Variants in PUS3 observed in about 807,000 individuals in gnomAD.
PUS3 encodes tRNA pseudouridine(38/39) synthase.
Under a neutral mutation model 43.3 loss-of-function variants are expected in PUS3, and 36 were observed. The observed-to-expected ratio is 0.83, with a 90% CI of 0.64 to 1.10. The LOEUF (loss-of-function observed/expected upper bound fraction) is 1.10, where lower values mean the gene tolerates loss of function less well. PUS3 is among the 50% of genes least tolerant of loss of function. PUS3 has a pLI of 0.00. For missense variants in PUS3, 544 were observed against 589.9 expected, an observed-to-expected ratio of 0.92 and a Z score of 0.81; for synonymous variants, 183 against 199.2, an observed-to-expected ratio of 0.92 and a Z score of 0.69.
intron 1 of PUS3, among the ~76,000 whole-genome samples, chr11:125,897,631 C>G (rs190632264): frequency 1.3e-5 from 2 of 151,952 alleles, no homozygotes; most frequent in Admixed American, 1.3e-4. Flanking sequence ...TTTAAATGCT[C>G]AATTTTACTC....
chr11:125,899,347 G>T (rs747166940), intron 1 of PUS3: 4 of 1,608,440 alleles, frequency 2.5e-6, no homozygotes, highest in Non-Finnish European at 2.6e-6. Context: ...CTTGCAGAAG[G>T]TCCTACAGTG....
intron 1 of PUS3, among the ~76,000 whole-genome samples, chr11:125,902,258 C>T (rs1944794567): frequency 6.6e-6 from 1 of 151,956 alleles, no homozygotes; most frequent in African/African-American, 2.4e-5. Flanking sequence ...ATTCGTGTGT[C>T]CCCTAAGCAC....
chr11:125,893,718 T>TC lies in PUS3; in HGVS notation c.*66_*67insG, dbSNP rs1944479423. 1 of 1,400,670 alleles carries TC rather than the reference T, an allele frequency of 7.1e-7. No homozygotes were observed. The highest frequency in any genetic ancestry group is 9.5e-7 in the Non-Finnish European group (1 of 1,054,706). 86.8% of individuals were successfully genotyped at this position (1,400,670 alleles called of 1,614,324 possible). ...AATTCCTAGTACTTGCAAGTAAATT[T>TC]TTTTTTTTTTCCTTTTCTGTCCACC... On this transcript the variant is annotated 3_prime_UTR_variant, in exon 4 of 4. Transcript: ENST00000227474.
intron 1 of PUS3, chr11:125,900,388 C>A: frequency 1.1e-6 from 1 of 923,024 alleles, no homozygotes; most frequent in Non-Finnish European, 1.7e-6. Flanking sequence ...AAGGACTTCA[C>A]CTATCATTGG....
chr11:125,897,438 G>A (rs980015195), intron 1 of PUS3, among the ~76,000 whole-genome samples: 3 of 150,806 alleles, frequency 2.0e-5, no homozygotes, highest in African/African-American at 7.3e-5. Context: ...ATGACAAACT[G>A]AGAAGAAAAA....
At chr11:125,897,708 TA>T (rs1944631112) in intron 1 of PUS3, among the ~76,000 whole-genome samples, 1 of 152,218 alleles carries the variant, frequency 6.6e-6, no homozygotes, top group Non-Finnish European at 1.5e-5. Flanking sequence ...CAAAGTTTGA[TA>T]GTATACCACT....
At position 125,896,343 on chromosome 11, in the gene PUS3, C is replaced by T; in HGVS notation, c.-46-13G>A. 6.8e-7 allele frequency: 1 copy of T among 1,465,564 alleles called. No homozygotes were observed. The highest frequency in any genetic ancestry group is 9.3e-7 in the Non-Finnish European group (1 of 1,073,938). 90.8% of individuals were successfully genotyped at this position (1,465,564 alleles called of 1,614,324 possible). On this transcript the variant is annotated splice_polypyrimidine_tract_variant and intron_variant, in intron 1 of 3. Transcript: ENST00000227474. ...AGGTCTGCCCTGTCTGAAAAGAGAG[C>T]AAAGGGATACAACAGTTTCAATGCT...
In PUS3 at chr11:125,895,753, C is replaced by T; in HGVS notation, c.415G>A (p.Gly139Ser). 1.2e-6 allele frequency: 2 copies of T among 1,607,654 alleles called. No individual in the cohort carries two copies. Among genetic ancestry groups the T allele is most frequent in the Non-Finnish European group, 1.7e-6 (2 of 1,178,430 alleles). ...SLDLRSQFPRGRDSEDFNVKE... is the reference protein window; with the variant it reads ...SLDLRSQFPRSRDSEDFNVKE... ...ACATTAAAGTCCTCGGAATCCCTGC[C>T]CCTTGGAAACTGAGAGCGAAGGTCA... is the stretch of plus-strand genomic sequence containing the variant. Residue 139 changes from glycine to serine, a missense_variant, in exon 3 of 4, where the codon GGC becomes AGC. Transcript: ENST00000227474.
rs369846617 is a variant in PUS3, at chr11:125,893,859, C to T, written c.1372G>A (p.Glu458Lys). 6 of 1,613,930 alleles carry T rather than the reference C, an allele frequency of 3.7e-6. No individual in the cohort carries two copies. The highest frequency in any genetic ancestry group is 1.3e-5 in the African/African-American group (1 of 74,910). ...KAKRDCNDTLEEENTNLETPT... is the reference protein window; with the variant it reads ...KAKRDCNDTLKEENTNLETPT... The stretch of plus-strand genomic sequence containing the variant: ...GTCTCCAAATTAGTATTCTCTTCCT[C>T]TAGTGTGTCATTACAGTCCCTTTTG... The change falls in exon 4 of 4, where the codon GAG becomes AAG. Residue 458 changes from glutamate (E) to lysine (K), a missense_variant. Coordinates refer to ENST00000227474, the MANE Select transcript of PUS3 (RefSeq NM_031307.4).
At chr11:125,899,320 A>C (rs1278402699) in intron 1 of PUS3, 3 of 1,548,060 alleles carry the variant, frequency 1.9e-6, no homozygotes. Context: ...TTATCAGAAA[A>C]CTGACCAATG....
Position 125,894,063 on chromosome 11 carries a change from T to G in PUS3, c.1168A>C (p.Asn390His), listed in dbSNP as rs746629267. ...PKMDGMTEWGNVKPSVIKQTS... is the reference protein window; with the variant it reads ...PKMDGMTEWGHVKPSVIKQTS... ...TGCTTTATGACAGAGGGCTTAACATTTCCCCATTCTGTCATTCCATCCATC... is the reference window on the plus strand; with the variant it reads ...TGCTTTATGACAGAGGGCTTAACATGTCCCCATTCTGTCATTCCATCCATC... Residue 390 changes from asparagine (N) to histidine (H), a missense_variant, in exon 4 of 4, where the codon AAT becomes CAT. By Grantham distance (68) the Asn-to-His change is moderately conservative. Coordinates refer to ENST00000227474, the MANE Select transcript of PUS3 (RefSeq NM_031307.4). 1.2e-6 allele frequency: 2 copies of G among 1,614,152 alleles called. No individual in the cohort carries two copies. The highest frequency in any genetic ancestry group is 2.2e-5 in the South Asian group (2 of 91,074).
chr11:125,896,840 T>A (rs571681768), intron 1 of PUS3, among the ~76,000 whole-genome samples: 1 of 152,170 alleles, frequency 6.6e-6, no homozygotes, highest in Non-Finnish European at 1.5e-5. Flanking sequence ...CAATAGAAGC[T>A]AGCCTAACTG....
At chr11:125,900,719 AGAAG>A (rs1291121690) in intron 1 of PUS3, 2 of 205,512 alleles carry the variant, frequency 9.7e-6, no homozygotes, top group Admixed American at 1.1e-4. Flanking sequence ...AGAGCTCAAA[AGAAG>A]GAACAAGCCG....
intron 3 of PUS3, among the ~76,000 whole-genome samples, chr11:125,894,958 T>C (rs1944529229): frequency 6.6e-6 from 1 of 152,114 alleles, no homozygotes; most frequent in Non-Finnish European, 1.5e-5. Flanking sequence ...TACATGTTCA[T>C]AACATTCTAC....
At position 125,899,409 on chromosome 11, in the gene PUS3, T is replaced by C. The variant is rs149051246; in HGVS notation, c.-46-3079A>G. ...CCTGATGGACAAATATGGGCTAATA[T>C]GGATCCAGAAGAACGAATGTTGGCA... On this transcript the variant is annotated intron_variant, in intron 1 of 3. Coordinates refer to ENST00000227474, the MANE Select transcript of PUS3 (RefSeq NM_031307.4). 5 of 1,614,092 alleles carry C rather than the reference T, an allele frequency of 3.1e-6. No individual in the cohort carries two copies. The African/African-American group carries it at 5.3e-5, about 17-fold the overall frequency.
intron 1 of PUS3, among the ~76,000 whole-genome samples, chr11:125,902,484 C>T (rs1253770377): frequency 1.3e-5 from 2 of 151,804 alleles, no homozygotes; most frequent in African/African-American, 4.8e-5. Flanking sequence ...CAAGATGGCG[C>T]ACGCCTGCAG....
At chr11:125,898,242 T>C (rs1402522484) in intron 1 of PUS3, among the ~76,000 whole-genome samples, 1 of 152,044 alleles carries the variant, frequency 6.6e-6, no homozygotes, top group African/African-American at 2.4e-5. Context: ...AAAAGAAAAA[T>C]AGTGGGGACA....
intron 1 of PUS3, among the ~76,000 whole-genome samples, chr11:125,902,962 CGA>C (rs1346198028): frequency 6.6e-5 from 10 of 152,062 alleles, no homozygotes; most frequent in African/African-American, 2.4e-4. Context: ...GAGTTTCCAC[CGA>C]GAGCTCCAGA....
chr11:125,896,372 T>G, intron 1 of PUS3, 42 bp from the exon 2 acceptor site: 1 of 1,262,846 alleles, frequency 7.9e-7, no homozygotes, highest in African/African-American at 1.5e-5. Context: ...CAATGCTAGT[T>G]CCTTTGATGA....
Sources: gnomAD v4.1 joint callset for allele counts (sites outside exome capture counted in the v4.1 genomes callset) on GRCh38, gnomAD v4.1.1 for gene constraint, MANE v1.5 for transcripts, NCBI Gene and HGNC (gene_info 2026-07-23, HGNC 2026-07-21) for gene names.